SMAD1: variants seen among roughly 807,000 people sequenced by gnomAD.
SMAD1 encodes SMAD family member 1.
SMAD1 carries 6 observed loss-of-function variants against 41.6 expected under a neutral mutation model. The ratio of observed to expected loss-of-function variants is 0.14; its 90% CI spans 0.08 to 0.28. The LOEUF is 0.28. Among genes scored for constraint, SMAD1 ranks in the 10% least tolerant of loss-of-function variants. The pLI is 1.00. For synonymous variants in SMAD1, 206 were observed against 203.2 expected (o/e 1.01, Z -0.12); for missense variants, 379 against 582.6 (o/e 0.65, Z 3.60).
At chr4:145,518,542 A>G (rs1239896177) in intron 2 of SMAD1, among the ~76,000 whole-genome samples, 2 of 124,998 alleles carry the variant, frequency 1.6e-5, no homozygotes, top group East Asian at 2.0e-4. Context: ...CACTGCCAGA[A>G]TTGAAGCCCT....
intron 1 of SMAD1, among the ~76,000 whole-genome samples, chr4:145,493,967 A>G (rs1436889885): frequency 6.6e-6 from 1 of 151,994 alleles, no homozygotes; most frequent in African/African-American, 2.4e-5. Context: ...TTCTGTATTT[A>G]TTAATTTTTT....
intron 2 of SMAD1, among the ~76,000 whole-genome samples, chr4:145,536,184 T>C (rs1304966529): frequency 6.6e-6 from 1 of 151,794 alleles, no homozygotes; most frequent in African/African-American, 2.4e-5. Flanking sequence ...CCCTGTGGAG[T>C]TGGCTTAACA....
At chr4:145,513,726 T>G (rs145230257) in intron 1 of SMAD1, among the ~76,000 whole-genome samples, 1 of 152,340 alleles carries the variant, frequency 6.6e-6, no homozygotes, top group African/African-American at 2.4e-5. Context: ...GCTTTCAGTT[T>G]TTGTTGATTG....
intron 1 of SMAD1, among the ~76,000 whole-genome samples, chr4:145,493,832 G>A (rs1728906899): frequency 6.6e-6 from 1 of 152,192 alleles, no homozygotes; most frequent in Non-Finnish European, 1.5e-5. Context: ...CCCTGAAGAA[G>A]CAATCTAATT....
chr4:145,558,945 C>T lies in SMAD1; in HGVS notation c.*1011C>T, dbSNP rs1161717384. On this transcript the variant is annotated 3_prime_UTR_variant, in exon 7 of 7. Transcript: ENST00000302085. ...CTTTAATTTTCAAGTGAATTTTTTGCCAAACTTAGTAACTCTGTTAAATAT... is the reference window on the plus strand; with the variant it reads ...CTTTAATTTTCAAGTGAATTTTTTGTCAAACTTAGTAACTCTGTTAAATAT... Among the ~76,000 whole-genome samples, 1 of 152,060 alleles carries T rather than the reference C, an allele frequency of 6.6e-6. No individual in the cohort carries two copies. Among genetic ancestry groups the T allele is most frequent in the South Asian group, 2.1e-4 (1 of 4,826 alleles).
At chr4:145,520,098 T>C (rs1254539601) in intron 2 of SMAD1, among the ~76,000 whole-genome samples, 1 of 152,204 alleles carries the variant, frequency 6.6e-6, no homozygotes, top group East Asian at 1.9e-4. Context: ...AGATGAAAGA[T>C]ATCAAGTGTT....
At chr4:145,531,195 C>T (rs926245823) in intron 2 of SMAD1, among the ~76,000 whole-genome samples, 6 of 152,166 alleles carry the variant, frequency 3.9e-5, no homozygotes, top group East Asian at 3.9e-4. Context: ...ATTTCTTCAG[C>T]GTAAAGTTTC....
At chr4:145,534,680 ATGGTGT>A (rs780010240) in intron 2 of SMAD1, among the ~76,000 whole-genome samples, 10 of 152,204 alleles carry the variant, frequency 6.6e-5, no homozygotes, top group Non-Finnish European at 8.8e-5. Context: ...CTTTTAATGA[ATGGTGT>A]TGGGGTTAAC....
chr4:145,507,913 T>TA (rs1729878067), intron 1 of SMAD1, among the ~76,000 whole-genome samples: 1 of 152,120 alleles, frequency 6.6e-6, no homozygotes, highest in African/African-American at 2.4e-5. Flanking sequence ...ACTTGTATAT[T>TA]AAAAAATGCT....
chr4:145,547,067 C>T, intron 5 of SMAD1, 143 bp downstream of exon 5: 2 of 691,378 alleles, frequency 2.9e-6, no homozygotes, highest in Non-Finnish European at 5.0e-6. Flanking sequence ...AATATTTTTC[C>T]AGTTTCTGCT....
At chr4:145,551,760 G>C (rs1319173581) in intron 5 of SMAD1, among the ~76,000 whole-genome samples, 1 of 152,118 alleles carries the variant, frequency 6.6e-6, no homozygotes, top group African/African-American at 2.4e-5. Flanking sequence ...TTCAGTACTG[G>C]CATGGGTGAA....
At position 145,558,703 on chromosome 4, in the gene SMAD1, T is replaced by G. The variant is rs1732978114; in HGVS notation, c.*769T>G. 6.7e-6 allele frequency among the ~76,000 whole-genome samples: 1 copy of G among 148,464 alleles called. No homozygotes were observed. The highest frequency in any genetic ancestry group is 2.5e-5 in the African/African-American group (1 of 39,812). On this transcript the variant is annotated 3_prime_UTR_variant, in exon 7 of 7. Transcript: ENST00000302085. ...ACTGATACCTGAATTTTGCTGTGTT[T>G]CCATTTTTTAGAGATTTTTATCATT...
chr4:145,538,041 G>C (rs1731712371), intron 2 of SMAD1, among the ~76,000 whole-genome samples: 1 of 152,160 alleles, frequency 6.6e-6, no homozygotes, highest in South Asian at 2.1e-4. Context: ...TTTGTGGGGA[G>C]TGGTTTAGGG....
intron 1 of SMAD1, among the ~76,000 whole-genome samples, chr4:145,483,671 G>A (rs903142011): frequency 2.0e-5 from 3 of 152,216 alleles, no homozygotes; most frequent in Admixed American, 6.5e-5. Flanking sequence ...TGCAGGTGGT[G>A]TATCATTGGT....
At chr4:145,498,436 G>A (rs912831307) in intron 1 of SMAD1, among the ~76,000 whole-genome samples, 2 of 152,070 alleles carry the variant, frequency 1.3e-5, no homozygotes, top group Non-Finnish European at 2.9e-5. Context: ...CTTGCCACCT[G>A]TTGGTCATAA....
At chr4:145,535,392 C>T (rs532651979) in intron 2 of SMAD1, among the ~76,000 whole-genome samples, 1 of 152,236 alleles carries the variant, frequency 6.6e-6, no homozygotes, top group East Asian at 1.9e-4. Flanking sequence ...ACAGTCATTG[C>T]AGTATTACAT....
chr4:145,481,469 T>C (rs1007465653), upstream of SMAD1: 1 of 152,082 alleles, frequency 6.6e-6, no homozygotes, highest in African/African-American at 2.4e-5. Flanking sequence ...TTAATGAACA[T>C]TTCAGAAAAT....
chr4:145,485,146 G>A (rs144433418), intron 1 of SMAD1, among the ~76,000 whole-genome samples: 1 of 152,204 alleles, frequency 6.6e-6, no homozygotes, highest in African/African-American at 2.4e-5. Context: ...ATGGCTCACT[G>A]CAGCCTCGAC....
chr4:145,481,685 C>T, upstream of SMAD1: 1 of 158,788 alleles, frequency 6.3e-6, no homozygotes. Context: ...GCGCTCACGC[C>T]GGCCGGGCCG....
Sources: allele counts gnomAD v4.1 joint callset (sites outside exome capture counted in the v4.1 genomes callset), GRCh38; gene constraint gnomAD v4.1.1; transcripts MANE v1.5; gene names NCBI Gene and HGNC (gene_info 2026-07-23, HGNC 2026-07-21).